The following NYAP2 variants were observed in gnomAD, a reference collection of about 807,000 sequenced individuals.
The protein encoded by NYAP2 is neuronal tyrosine-phosphorylated phosphoinositide-3-kinase adapter 2.
In NYAP2, 23 loss-of-function variants were observed where a neutral mutation model predicts 50.4. That is an observed-to-expected ratio of 0.46 (90% CI 0.33 to 0.65). NYAP2 has a LOEUF of 0.65. Among genes scored for constraint, NYAP2 ranks in the 30% least tolerant of loss-of-function variants. The pLI, the probability that NYAP2 is intolerant of heterozygous loss-of-function variation, is 0.02. For missense variants in NYAP2, 885 were observed against 861.0 expected, an observed-to-expected ratio of 1.03 and a Z score of -0.35; for synonymous variants, 394 against 365.2, an observed-to-expected ratio of 1.08 and a Z score of -0.90.
chr2:225,473,462 C>T (rs1405687200), intron 3 of NYAP2, among the ~76,000 whole-genome samples: 2 of 152,220 alleles, frequency 1.3e-5, no homozygotes, highest in African/African-American at 4.8e-5. Flanking sequence ...ACATCCTCTC[C>T]AGCACCTGTT....
the NYAP2 span, among the ~76,000 whole-genome samples, chr2:225,697,725 TTTAA>T: frequency 6.6e-6 from 1 of 152,104 alleles, no homozygotes; most frequent in African/African-American, 2.4e-5. Context: ...GTGTAAAAGA[TTTAA>T]TTTTCATATC....
chr2:225,453,598 A>G (rs1689687110), intron 3 of NYAP2, among the ~76,000 whole-genome samples: 1 of 152,166 alleles, frequency 6.6e-6, no homozygotes, highest in Non-Finnish European at 1.5e-5. Context: ...TCTGGCAGTA[A>G]TTCTTCTAAA....
intron 5 of NYAP2, among the ~76,000 whole-genome samples, chr2:225,624,927 C>G (rs1376486203): frequency 6.6e-6 from 1 of 151,242 alleles, no homozygotes; most frequent in African/African-American, 2.4e-5. Context: ...ACCCGGACTG[C>G]TCAATATATG....
chr2:225,544,437 T>C (rs1691533526), intron 4 of NYAP2, among the ~76,000 whole-genome samples: 1 of 152,054 alleles, frequency 6.6e-6, no homozygotes, highest in Non-Finnish European at 1.5e-5. Flanking sequence ...TGTTGTATGA[T>C]GTTTAATTTG....
intron 5 of NYAP2, among the ~76,000 whole-genome samples, chr2:225,620,254 A>G (rs181568317): frequency 1.3e-5 from 2 of 152,242 alleles, no homozygotes; most frequent in Non-Finnish European, 2.9e-5. Context: ...ATATATTACA[A>G]GAGTCTAATT....
At chr2:225,567,098 T>C (rs1219874971) in intron 4 of NYAP2, among the ~76,000 whole-genome samples, 5 of 152,166 alleles carry the variant, frequency 3.3e-5, no homozygotes, top group African/African-American at 9.7e-5. Flanking sequence ...GTAGAGCCTG[T>C]TGCTCCTAGG....
chr2:225,462,296 T>C (rs887181810), intron 3 of NYAP2, among the ~76,000 whole-genome samples: 5 of 152,200 alleles, frequency 3.3e-5, no homozygotes, highest in African/African-American at 1.2e-4. Context: ...GATGAAAATG[T>C]GGATTTATGT....
chr2:225,562,944 A>T (rs1024895092), intron 4 of NYAP2, among the ~76,000 whole-genome samples: 6 of 152,150 alleles, frequency 3.9e-5, no homozygotes, highest in African/African-American at 7.2e-5. Context: ...TTTGGATAAG[A>T]TGTCTGATGA....
At chr2:225,515,755 C>T (rs2106187218) in intron 4 of NYAP2, among the ~76,000 whole-genome samples, 1 of 152,218 alleles carries the variant, frequency 6.6e-6, no homozygotes, top group South Asian at 2.1e-4. Context: ...CAGAAGTCAC[C>T]ACTGTCCTAC....
At chr2:225,602,178 T>C (rs1692702964) in intron 5 of NYAP2, among the ~76,000 whole-genome samples, 1 of 152,212 alleles carries the variant, frequency 6.6e-6, no homozygotes, top group South Asian at 2.1e-4. Flanking sequence ...GACTGGTCTA[T>C]GGGCCATCTT....
intron 5 of NYAP2, among the ~76,000 whole-genome samples, chr2:225,613,577 T>C (rs965294987): frequency 6.6e-6 from 1 of 152,154 alleles, no homozygotes; most frequent in African/African-American, 2.4e-5. Context: ...GGAAATAACA[T>C]TTGTAAGGAG....
chr2:225,587,439 G>A (rs867190989), intron 5 of NYAP2, among the ~76,000 whole-genome samples: 7 of 152,080 alleles, frequency 4.6e-5, no homozygotes, highest in Non-Finnish European at 7.4e-5. Flanking sequence ...AGACATGCAC[G>A]CCCGGGGCAG....
chr2:225,694,849 C>T, the NYAP2 span, among the ~76,000 whole-genome samples: 1 of 151,590 alleles, frequency 6.6e-6, no homozygotes, highest in Non-Finnish European at 1.5e-5. Context: ...ATGTATTGGG[C>T]AATGCTTTTT....
chr2:225,457,887 A>G (rs1689764095), intron 3 of NYAP2, among the ~76,000 whole-genome samples: 1 of 152,230 alleles, frequency 6.6e-6, no homozygotes. Flanking sequence ...TACAGGGGCA[A>G]CAGTACTCAT....
intron 5 of NYAP2, among the ~76,000 whole-genome samples, chr2:225,619,668 C>G (rs1693055228): frequency 6.6e-6 from 1 of 152,058 alleles, no homozygotes; most frequent in Non-Finnish European, 1.5e-5. Flanking sequence ...CAGAAGTAGA[C>G]CCACAGACAG....
chr2:225,671,185 T>C, the NYAP2 span, among the ~76,000 whole-genome samples: 1 of 152,226 alleles, frequency 6.6e-6, no homozygotes, highest in South Asian at 2.1e-4. Context: ...TTTTTCTTTT[T>C]CCCTCCTTTA....
chr2:225,426,589 G>T (rs1695291726), intron 3 of NYAP2, among the ~76,000 whole-genome samples: 1 of 152,156 alleles, frequency 6.6e-6, no homozygotes, highest in Non-Finnish European at 1.5e-5. Context: ...ATTTGAGGAA[G>T]TGCTTACTCA....
intron 3 of NYAP2, among the ~76,000 whole-genome samples, chr2:225,498,498 CTGGACTCTTATTT>C (rs1176418400): frequency 3.3e-5 from 5 of 151,702 alleles, no homozygotes; most frequent in African/African-American, 1.2e-4. Context: ...TACAGAGGAA[CTGGACTCTTATTT>C]TGGGTAATCC....
chr2:225,473,757 G>C (rs1253093155), intron 3 of NYAP2, among the ~76,000 whole-genome samples: 13 of 152,262 alleles, frequency 8.5e-5, no homozygotes, highest in Admixed American at 8.5e-4. Context: ...CATTCTGTAG[G>C]TTGCTTGTTC....
Sources: allele counts gnomAD v4.1 joint callset (sites outside exome capture counted in the v4.1 genomes callset), GRCh38; gene constraint gnomAD v4.1.1; transcripts MANE v1.5; gene names NCBI Gene and HGNC (gene_info 2026-07-23, HGNC 2026-07-21).